Variants in IQCJ observed in about 807,000 individuals in gnomAD.
IQCJ encodes IQ domain-containing protein J.
Under a neutral mutation model 11.0 loss-of-function variants are expected in IQCJ, and 9 were observed. The observed-to-expected ratio is 0.82, with a 90% CI of 0.49 to 1.43. IQCJ has a LOEUF of 1.43. Among genes scored for constraint, IQCJ ranks in the 40% most tolerant of loss-of-function variants. The probability of loss-of-function intolerance (pLI) is 0.00; values close to 1 mark genes in which losing one functional copy is unlikely to be tolerated. For synonymous variants in IQCJ, 55 were observed against 51.3 expected (o/e 1.07, Z -0.31); for missense variants, 146 against 133.2 (o/e 1.10, Z -0.47).
At chr3:159,208,591 A>G (rs1724785072) in intron 1 of IQCJ, among the ~76,000 whole-genome samples, 1 of 152,098 alleles carries the variant, frequency 6.6e-6, no homozygotes, top group South Asian at 2.1e-4. Flanking sequence ...ATTCCTAACA[A>G]TCCTCATTTT....
intron 1 of IQCJ, among the ~76,000 whole-genome samples, chr3:159,089,807 A>G (rs1318662797): frequency 6.6e-6 from 1 of 151,410 alleles, no homozygotes; most frequent in Non-Finnish European, 1.5e-5. Context: ...TGGTTATTCT[A>G]GTTATACATT....
chr3:159,253,537 T>C (rs1013820442), intron 3 of IQCJ, among the ~76,000 whole-genome samples: 3 of 152,054 alleles, frequency 2.0e-5, no homozygotes, highest in Admixed American at 2.0e-4. Context: ...CTGTTCTGAT[T>C]TTCCTTCAGA....
chr3:159,104,210 C>T (rs921498527), intron 1 of IQCJ, among the ~76,000 whole-genome samples: 6 of 152,252 alleles, frequency 3.9e-5, no homozygotes, highest in African/African-American at 1.4e-4. Context: ...CTTCAGCCCT[C>T]TTGTTGTTCC....
chr3:159,242,563 C>T (rs995763285), intron 1 of IQCJ, among the ~76,000 whole-genome samples: 12 of 119,486 alleles, frequency 1.0e-4, no homozygotes, highest in Non-Finnish European at 1.9e-4. Flanking sequence ...CACATGCCAG[C>T]TGAATCTTTT....
chr3:159,245,888 G>C lies in IQCJ; in HGVS notation c.55G>C (p.Gly19Arg), dbSNP rs1156673257. ...LQNPLEQVND[G>R]KYSFENHQLA... Reference sequence around the variant, plus strand: ...GAATCCTCTAGAACAAGTTAATGATGGAAAATATTCATTTGAAAAGTAAGT... The same window carrying C: ...GAATCCTCTAGAACAAGTTAATGATCGAAAATATTCATTTGAAAAGTAAGT... Residue 19 changes from glycine (G) to arginine (R), a missense_variant, in exon 2 of 4, where the codon GGA (glycine) becomes CGA (arginine). By Grantham distance (125) the Gly-to-Arg change is moderately radical. Transcript: ENST00000397832. 1.3e-6 allele frequency: 2 copies of C among 1,542,900 alleles called. No homozygotes were observed. The highest frequency in any genetic ancestry group is 2.0e-5 in the Admixed American group (1 of 50,938).
intron 1 of IQCJ, among the ~76,000 whole-genome samples, chr3:159,127,853 CATGTACCAAAGATTTTGCTGCAGT>C (rs1233960468): frequency 3.3e-5 from 5 of 152,142 alleles, no homozygotes; most frequent in Non-Finnish European, 5.9e-5. Flanking sequence ...TTTTGTACAA[CATGTACCAAAGATTTTGCTGCAGT>C]GCAGAAGTGT....
At chr3:159,167,740 C>T (rs1007978616) in intron 1 of IQCJ, among the ~76,000 whole-genome samples, 2 of 152,146 alleles carry the variant, frequency 1.3e-5, no homozygotes, top group Non-Finnish European at 2.9e-5. Context: ...ATAATCCCTA[C>T]CTTTATGTAT....
intron 1 of IQCJ, among the ~76,000 whole-genome samples, chr3:159,088,574 A>G (rs1051675416): frequency 1.4e-4 from 21 of 152,092 alleles, no homozygotes; most frequent in Non-Finnish European, 2.8e-4. Flanking sequence ...GTAGGTCTCT[A>G]AGGACTTGCT....
chr3:159,216,281 C>T (rs1050109888), intron 1 of IQCJ, among the ~76,000 whole-genome samples: 2 of 152,034 alleles, frequency 1.3e-5, no homozygotes, highest in Non-Finnish European at 2.9e-5. Flanking sequence ...GTCTGTCAAC[C>T]AGGTCTAATT....
chr3:159,113,672 C>A (rs1261783830), intron 1 of IQCJ, among the ~76,000 whole-genome samples: 3 of 152,190 alleles, frequency 2.0e-5, no homozygotes, highest in African/African-American at 7.2e-5. Context: ...ATTACATCAT[C>A]AGTACCTGTC....
intron 1 of IQCJ, among the ~76,000 whole-genome samples, chr3:159,182,720 A>G (rs7648876): frequency 0.049 from 7,381 of 151,878 alleles, 695 homozygotes; most frequent in African/African-American, 0.17. Context: ...TTTTCTATCA[A>G]TGTCTGTAAT....
At chr3:159,198,853 A>G (rs1050757054) in intron 1 of IQCJ, among the ~76,000 whole-genome samples, 1 of 152,228 alleles carries the variant, frequency 6.6e-6, no homozygotes, top group African/African-American at 2.4e-5. Context: ...TGAAGAATAC[A>G]TTGAACAATA....
intron 1 of IQCJ, among the ~76,000 whole-genome samples, chr3:159,195,295 G>A (rs1723920403): frequency 1.3e-5 from 2 of 152,146 alleles, no homozygotes; most frequent in Admixed American, 1.3e-4. Flanking sequence ...TCTTCTCTTA[G>A]AAGACCCAGT....
chr3:159,114,061 A>G (rs1161199166), intron 1 of IQCJ, among the ~76,000 whole-genome samples: 1 of 152,172 alleles, frequency 6.6e-6, no homozygotes, highest in Non-Finnish European at 1.5e-5. Context: ...AAAAGAAGAA[A>G]TTAGCCAGAG....
intron 1 of IQCJ, among the ~76,000 whole-genome samples, chr3:159,161,489 A>G (rs953157234): frequency 1.3e-5 from 2 of 151,922 alleles, no homozygotes; most frequent in Non-Finnish European, 2.9e-5. Flanking sequence ...TTGCCTGCTC[A>G]CTCTGATGGT....
intron 1 of IQCJ, among the ~76,000 whole-genome samples, chr3:159,122,348 C>T (rs1484163738): frequency 6.6e-6 from 1 of 152,118 alleles, no homozygotes; most frequent in Non-Finnish European, 1.5e-5. Context: ...CTTTTTGTAA[C>T]ACTCAACATT....
chr3:159,108,652 C>T (rs1577013057), intron 1 of IQCJ, among the ~76,000 whole-genome samples: 1 of 152,154 alleles, frequency 6.6e-6, no homozygotes, highest in East Asian at 1.9e-4. Flanking sequence ...GATTCACATA[C>T]CTGTATTAGC....
chr3:159,158,056 G>T lies in IQCJ; in HGVS notation c.10-87787G>T, dbSNP rs1341180631. ...TAGGTGTGTATATAAATTTTCAGAA[G>T]TAGAATTACTAGGTCAAAGAGAATA... On this transcript the variant is annotated intron_variant, in intron 1 of 3. Coordinates refer to ENST00000397832, the MANE Select transcript of IQCJ (RefSeq NM_001042706.3). Among the ~76,000 whole-genome samples, 3 of 152,158 alleles carry T rather than the reference G, an allele frequency of 2.0e-5. No homozygotes were observed. The East Asian group carries it at 5.8e-4, about 29-fold the overall frequency.
At chr3:159,256,707 A>T (rs1727918391) in intron 3 of IQCJ, among the ~76,000 whole-genome samples, 1 of 152,134 alleles carries the variant, frequency 6.6e-6, no homozygotes, top group South Asian at 2.1e-4. Flanking sequence ...AGTCTACTGT[A>T]TTTTTTCCAT....
Sources: allele counts gnomAD v4.1 joint callset (sites outside exome capture counted in the v4.1 genomes callset), GRCh38; gene constraint gnomAD v4.1.1; transcripts MANE v1.5; gene names NCBI Gene and HGNC (gene_info 2026-07-23, HGNC 2026-07-21).